Variants in CDK5RAP2 observed in about 807,000 individuals in gnomAD.
CDK5RAP2 encodes CDK5 regulatory subunit associated protein 2.
CDK5RAP2 carries 147 observed loss-of-function variants against 232.9 expected under a neutral mutation model. The observed-to-expected ratio is 0.63, with a 90% CI of 0.55 to 0.72. CDK5RAP2 has a LOEUF of 0.72. Among genes scored for constraint, CDK5RAP2 ranks in the 30% least tolerant of loss-of-function variants. The pLI is 0.00. For synonymous variants in CDK5RAP2, 833 were observed against 833.7 expected, an observed-to-expected ratio of 1.00 and a Z score of 0.01; for missense variants, 2,195 against 2,231.5, an observed-to-expected ratio of 0.98 and a Z score of 0.33.
At chr9:120,491,736 A>G (rs900050703) in intron 12 of CDK5RAP2, among the ~76,000 whole-genome samples, 3 of 152,198 alleles carry the variant, frequency 2.0e-5, no homozygotes, top group African/African-American at 7.2e-5. Context: ...AAGAAACTAG[A>G]CAGTCAACAA....
At chr9:120,468,104 T>A in intron 17 of CDK5RAP2, 107 bp from the exon 18 acceptor site, 1 of 1,096,706 alleles carries the variant, frequency 9.1e-7, no homozygotes, top group Non-Finnish European at 1.4e-6. Flanking sequence ...GCACCACAGT[T>A]ACGGGGAATC....
intron 5 of CDK5RAP2, among the ~76,000 whole-genome samples, chr9:120,540,825 T>C (rs2041600919): frequency 6.6e-6 from 1 of 152,244 alleles, no homozygotes; most frequent in East Asian, 1.9e-4. Context: ...ACACTAGCCC[T>C]TGGCCTCTGA....
At chr9:120,450,162 C>T (rs2036407395) in intron 21 of CDK5RAP2, among the ~76,000 whole-genome samples, 1 of 152,160 alleles carries the variant, frequency 6.6e-6, no homozygotes, top group South Asian at 2.1e-4. Flanking sequence ...CTATGGAATA[C>T]TGTTTGGCAA....
rs2036287744 is a variant in CDK5RAP2, at chr9:120,448,046, C to G, written c.2874G>C (p.Gln958His). 3 of 1,614,034 alleles carry G rather than the reference C, an allele frequency of 1.9e-6. No homozygotes were observed. In the African/African-American group the frequency reaches 4.0e-5, roughly 22 times the overall value. ...GGCTCTGCAGCTGCGTCACCACCTC[C>G]TGGGTGGCAGGGAGACGATACATAT... ...LGNMYRLPAT[Q>H]EVVTQLQSQI... is the part of the protein sequence containing the mutation. The change falls in exon 22 of 38, where the codon CAG (glutamine) becomes CAC (histidine). Residue 958 changes from glutamine (Q) to histidine (H), a missense_variant. By Grantham distance (24) the Gln-to-His change is conservative (BLOSUM62 0). Coordinates refer to ENST00000349780, the MANE Select transcript of CDK5RAP2 (RefSeq NM_018249.6).
intron 34 of CDK5RAP2, 35 bp downstream of exon 34, chr9:120,402,771 G>A (rs1192558778): frequency 1.9e-6 from 3 of 1,612,510 alleles, no homozygotes; most frequent in South Asian, 2.2e-5. Flanking sequence ...CTCCCAGGGA[G>A]CAGCTTGTGC....
At chr9:120,436,612 G>A (rs1588328750) in intron 25 of CDK5RAP2, among the ~76,000 whole-genome samples, 2 of 152,114 alleles carry the variant, frequency 1.3e-5, no homozygotes, top group South Asian at 2.1e-4. Flanking sequence ...TAGGGAGAAA[G>A]GAACATCATA....
intron 4 of CDK5RAP2, among the ~76,000 whole-genome samples, chr9:120,548,577 C>T (rs1023348528): frequency 3.3e-5 from 5 of 152,182 alleles, no homozygotes; most frequent in Non-Finnish European, 7.3e-5. Context: ...GAAGCCAAGG[C>T]AGGAGGATGG....
At chr9:120,490,482 C>T (rs1344881779) in intron 13 of CDK5RAP2, among the ~76,000 whole-genome samples, 1 of 152,210 alleles carries the variant, frequency 6.6e-6, no homozygotes, top group African/African-American at 2.4e-5. Flanking sequence ...CTTAGAATTA[C>T]AGCCAGTCTC....
At chr9:120,529,026 G>A in intron 8 of CDK5RAP2, 1 of 589,230 alleles carries the variant, frequency 1.7e-6, no homozygotes, top group South Asian at 2.0e-5. Flanking sequence ...CAGCCCCACA[G>A]AGAGTAAACC....
chr9:120,453,854 C>G lies in CDK5RAP2; in HGVS notation c.2395G>C (p.Val799Leu), dbSNP rs1386361858. 9.9e-6 allele frequency: 16 copies of G among 1,614,202 alleles called. No individual in the cohort carries two copies. The highest frequency in any genetic ancestry group is 1.3e-5 in the Non-Finnish European group (15 of 1,180,032). ...LESRPDLLKV[V>L]RELLLGQLFL... The stretch of plus-strand genomic sequence containing the variant: ...AGTTGTCCCAGAAGCAGTTCCCGTA[C>G]CACTTTCAGAAGGTCTGGCCTGTTT... The change falls in exon 21 of 38, where the codon GTA becomes CTA. Residue 799 changes from valine to leucine, a missense_variant. Val to Leu is a conservative substitution (Grantham distance 32, BLOSUM62 1). Coordinates refer to ENST00000349780, the MANE Select transcript of CDK5RAP2 (RefSeq NM_018249.6).
intron 3 of CDK5RAP2, among the ~76,000 whole-genome samples, chr9:120,565,851 T>C (rs1012683083): frequency 6.6e-6 from 1 of 152,188 alleles, no homozygotes. Context: ...ACTATTTTCC[T>C]ATCCATCTTC....
chr9:120,455,231 A>G (rs1481485922), intron 20 of CDK5RAP2, among the ~76,000 whole-genome samples: 1 of 152,180 alleles, frequency 6.6e-6, no homozygotes, highest in Non-Finnish European at 1.5e-5. Flanking sequence ...GGCTTCTAAC[A>G]TCAGTGAGAG....
intron 35 of CDK5RAP2, among the ~76,000 whole-genome samples, chr9:120,397,544 T>TAAAAAAAAAAAA (rs760469422): frequency 8.1e-5 from 4 of 49,170 alleles, no homozygotes; most frequent in Non-Finnish European, 1.1e-4. Flanking sequence ...AAAACATTCT[T>TAAAAAAAAAAAA]AAAAAAAAAA....
chr9:120,574,980 G>A (rs1378303219), intron 1 of CDK5RAP2, among the ~76,000 whole-genome samples: 1 of 151,918 alleles, frequency 6.6e-6, no homozygotes, highest in Non-Finnish European at 1.5e-5. Flanking sequence ...TGTGGTGGTG[G>A]TTAAGGGCCG....
In CDK5RAP2 at chr9:120,410,631, T is replaced by C. The variant is rs527444542; in HGVS notation, c.4414+727A>G. ...CACGGCCCTGAAGTAACACAGGAGATAGGAAATGTTGCTGAGTGAATGAGT... is the reference window on the plus strand; with the variant it reads ...CACGGCCCTGAAGTAACACAGGAGACAGGAAATGTTGCTGAGTGAATGAGT... On this transcript the variant is annotated intron_variant, in intron 29 of 37. Transcript: ENST00000349780. Among the ~76,000 whole-genome samples, 32 of 152,308 alleles carry C rather than the reference T, an allele frequency of 2.1e-4. No homozygotes were observed. In the East Asian group the frequency reaches 2.5e-3, roughly 12 times the overall value.
chr9:120,573,996 G>A (rs978760558), intron 1 of CDK5RAP2, among the ~76,000 whole-genome samples: 4 of 152,164 alleles, frequency 2.6e-5, no homozygotes, highest in African/African-American at 9.7e-5. Context: ...GGGTACCAGA[G>A]CCATTACATT....
At chr9:120,495,665 GC>G (rs1303340640) in intron 12 of CDK5RAP2, among the ~76,000 whole-genome samples, 1 of 77,118 alleles carries the variant, frequency 1.3e-5, no homozygotes, top group African/African-American at 5.6e-5. Context: ...GGGGGGGTCA[GC>G]CCCCCGCCCG....
intron 5 of CDK5RAP2, among the ~76,000 whole-genome samples, chr9:120,540,082 C>T (rs1465386558): frequency 6.6e-6 from 1 of 152,188 alleles, no homozygotes; most frequent in Non-Finnish European, 1.5e-5. Context: ...ACATAAAACA[C>T]AGAGTACACA....
intron 29 of CDK5RAP2, among the ~76,000 whole-genome samples, chr9:120,410,562 T>C (rs2033784815): frequency 6.6e-6 from 1 of 152,190 alleles, no homozygotes; most frequent in South Asian, 2.1e-4. Context: ...ATGAGCTCCC[T>C]GAGGGAAGGG....
Sources: gnomAD v4.1 joint callset for allele counts (sites outside exome capture counted in the v4.1 genomes callset) on GRCh38, gnomAD v4.1.1 for gene constraint, MANE v1.5 for transcripts, NCBI Gene and HGNC (gene_info 2026-07-23, HGNC 2026-07-21) for gene names.